SHROOM3: variants seen among roughly 807,000 people sequenced by gnomAD.
SHROOM3 encodes the protein shroom family member 3, also known as protein Shroom3.
A neutral mutation model predicts 138.6 loss-of-function variants in SHROOM3; 47 were observed. The observed-to-expected ratio is 0.34, with a 90% CI of 0.27 to 0.43. SHROOM3 has a LOEUF of 0.43. Ranked by LOEUF, SHROOM3 falls within the 20% of genes least tolerant of loss-of-function variation. The pLI, the probability that SHROOM3 is intolerant of heterozygous loss-of-function variation, is 1.00. For missense variants in SHROOM3, 2,491 were observed against 2,596.5 expected (o/e 0.96, Z 0.88); for synonymous variants, 1,062 against 1,063.3 (o/e 1.00, Z 0.02).
chr4:76,518,146 G>A (rs1579207567), intron 1 of SHROOM3, among the ~76,000 whole-genome samples: 1 of 151,914 alleles, frequency 6.6e-6, no homozygotes, highest in East Asian at 1.9e-4. Flanking sequence ...CCTAGTGGAG[G>A]GTGAGAGCTT....
chr4:76,602,907 A>C (rs1476944975), intron 2 of SHROOM3, among the ~76,000 whole-genome samples: 1 of 152,226 alleles, frequency 6.6e-6, no homozygotes, highest in African/African-American at 2.4e-5. Flanking sequence ...GAAGGTGATT[A>C]TAAGAATTGA....
intron 2 of SHROOM3, among the ~76,000 whole-genome samples, chr4:76,581,067 A>G (rs1038053344): frequency 3.9e-5 from 6 of 152,086 alleles, no homozygotes; most frequent in African/African-American, 1.4e-4. Context: ...TTCCACAATG[A>G]TTTTTCTCCA....
rs149028713 is a variant in SHROOM3, at chr4:76,555,760, G to T, written c.320G>T (p.Arg107Leu). The change falls in exon 2 of 11, where the codon CGC (arginine) becomes CTC (leucine). Residue 107 changes from arginine (R) to leucine (L), a missense_variant. Physicochemically the swap from Arg to Leu is moderately radical, Grantham distance 102 (BLOSUM62 -2). Transcript: ENST00000296043. ...TACAAGACCCTCAGGCTGGTAGTGC[G>T]CAGGTAGGTGGCAGACCCCCACCCT... ...GSYKTLRLVV[R>L]RDVCTDPGHA... The T allele has an allele frequency of 1.6e-5, 26 of 1,612,326 alleles. No individual in the cohort carries two copies. Among genetic ancestry groups the T allele is most frequent in the East Asian group, 2.2e-5 (1 of 44,850 alleles).
chr4:76,574,268 T>G (rs1733893169), intron 2 of SHROOM3, among the ~76,000 whole-genome samples: 1 of 152,172 alleles, frequency 6.6e-6, no homozygotes, highest in South Asian at 2.1e-4. Flanking sequence ...ATGGGAAAAT[T>G]TTGGCAATTA....
At chr4:76,649,986 C>T (rs1438391749) in intron 2 of SHROOM3, among the ~76,000 whole-genome samples, 1 of 152,288 alleles carries the variant, frequency 6.6e-6, no homozygotes, top group Non-Finnish European at 1.5e-5. Flanking sequence ...CTGGTGAGGG[C>T]ATTCTTCCTG....
In SHROOM3 at chr4:76,647,012, A is replaced by C. The variant is rs183193534; in HGVS notation, c.324-63144A>C. Among the ~76,000 whole-genome samples, 174 of 152,322 alleles carry C rather than the reference A, an allele frequency of 1.1e-3. 1 individual carries two copies. The highest frequency in any genetic ancestry group is 4.0e-3 in the African/African-American group (168 of 41,570). On this transcript the variant is annotated intron_variant, in intron 2 of 10. Transcript: ENST00000296043. ...CACAATAGCAAGATATGGAATCCTAAGTGTTCATCAGCGGGCAAAAGGATA... is the reference window on the plus strand; with the variant it reads ...CACAATAGCAAGATATGGAATCCTACGTGTTCATCAGCGGGCAAAAGGATA...
At chr4:76,443,005 G>A (rs1269903669) in intron 1 of SHROOM3, among the ~76,000 whole-genome samples, 3 of 152,162 alleles carry the variant, frequency 2.0e-5, no homozygotes, top group African/African-American at 7.2e-5. Context: ...AAAAACTAAG[G>A]CAAGCAGGTT....
chr4:76,497,219 A>G (rs1731987103), intron 1 of SHROOM3, among the ~76,000 whole-genome samples: 1 of 152,230 alleles, frequency 6.6e-6, no homozygotes, highest in African/African-American at 2.4e-5. Context: ...AAACACCTTA[A>G]CAACTCTTAA....
At chr4:76,655,405 G>A (rs981961545) in intron 2 of SHROOM3, among the ~76,000 whole-genome samples, 4 of 152,132 alleles carry the variant, frequency 2.6e-5, no homozygotes, top group Non-Finnish European at 4.4e-5. Context: ...TACATTCTGG[G>A]CCAATAAGAG....
intron 2 of SHROOM3, among the ~76,000 whole-genome samples, chr4:76,636,806 C>G (rs1334375449): frequency 6.6e-6 from 1 of 152,230 alleles, no homozygotes; most frequent in East Asian, 1.9e-4. Flanking sequence ...ACCTTTCACC[C>G]TGAGCTGCTG....
At chr4:76,753,727 A>G (rs1230082064) in intron 6 of SHROOM3, among the ~76,000 whole-genome samples, 1 of 152,212 alleles carries the variant, frequency 6.6e-6, no homozygotes, top group Non-Finnish European at 1.5e-5. Context: ...TCCAGAGGTA[A>G]CTGCTTATTA....
At position 76,756,597 on chromosome 4, in the gene SHROOM3, G is replaced by A. The variant is rs142505732; in HGVS notation, c.4858G>A (p.Val1620Ile). 1.3e-4 allele frequency: 215 copies of A among 1,612,416 alleles called. No individual in the cohort carries two copies. In the African/African-American group the frequency reaches 2.4e-3, roughly 18 times the overall value. The change falls in exon 8 of 11, where the codon GTT (valine) becomes ATT (isoleucine). Residue 1620 changes from valine (V) to isoleucine (I), a missense_variant. Around this residue, in one of 4 missense-constraint regions of SHROOM3, gnomAD observed 470 missense variants for 595.0 expected, o/e 0.79. Transcript: ENST00000296043. ...AESTPPSFMS[V>I]HAQLAGSLGG... ...GTCCACACCACCCTCCTTCATGAGC[G>A]TTCACGCCCAACTTGCTGGGTCTCT...
At chr4:76,666,397 T>C (rs899538815) in intron 2 of SHROOM3, among the ~76,000 whole-genome samples, 9 of 152,194 alleles carry the variant, frequency 5.9e-5, no homozygotes, top group African/African-American at 2.2e-4. Context: ...GTCCCCTGAG[T>C]AGGTGGGACT....
intron 3 of SHROOM3, among the ~76,000 whole-genome samples, chr4:76,711,204 G>A (rs1161821284): frequency 4.6e-5 from 7 of 152,094 alleles, no homozygotes; most frequent in Non-Finnish European, 1.0e-4. Context: ...CCTAGATTCT[G>A]CCACTTACCA....
intron 9 of SHROOM3, among the ~76,000 whole-genome samples, chr4:76,768,040 C>T (rs975990624): frequency 3.3e-5 from 5 of 152,136 alleles, no homozygotes; most frequent in African/African-American, 9.7e-5. Flanking sequence ...TTTGGTATAA[C>T]CCAGTTGTCT....
chr4:76,497,898 A>T (rs1458983188), intron 1 of SHROOM3, among the ~76,000 whole-genome samples: 1 of 152,152 alleles, frequency 6.6e-6, no homozygotes, highest in Non-Finnish European at 1.5e-5. Flanking sequence ...AGATAAAATA[A>T]AATAAAAATC....
chr4:76,719,127 A>G (rs1008361596), intron 3 of SHROOM3, among the ~76,000 whole-genome samples: 5 of 152,092 alleles, frequency 3.3e-5, no homozygotes, highest in East Asian at 3.9e-4. Context: ...CTAAAAAGCT[A>G]TAGTAATTCA....
chr4:76,523,274 A>G (rs977106348), intron 1 of SHROOM3, among the ~76,000 whole-genome samples: 1 of 152,186 alleles, frequency 6.6e-6, no homozygotes. Flanking sequence ...TTACTGGATT[A>G]AGGCCCATCC....
intron 4 of SHROOM3, among the ~76,000 whole-genome samples, chr4:76,736,296 G>A (rs1721070363): frequency 6.6e-6 from 1 of 152,032 alleles, no homozygotes; most frequent in Non-Finnish European, 1.5e-5. Flanking sequence ...CCCTGATCTG[G>A]CTGGCTTGGG....
Sources: gnomAD v4.1 joint callset for allele counts (sites outside exome capture counted in the v4.1 genomes callset) on GRCh38, gnomAD v4.1.1 for gene constraint, gnomAD v4.1.1 regional missense constraint, MANE v1.5 for transcripts, NCBI Gene and HGNC (gene_info 2026-07-23, HGNC 2026-07-21) for gene names.